The following ULK2 variants were observed in gnomAD, a reference collection of about 807,000 sequenced individuals.
The protein encoded by ULK2 is serine/threonine-protein kinase ULK2.
ULK2 carries 76 observed loss-of-function variants against 127.5 expected under a neutral mutation model. The ratio of observed to expected loss-of-function variants is 0.60; its 90% CI spans 0.50 to 0.72. The LOEUF (loss-of-function observed/expected upper bound fraction) is 0.72. Ranked by LOEUF, ULK2 falls within the 30% of genes least tolerant of loss-of-function variation. The probability of loss-of-function intolerance (pLI) is 0.00; values close to 1 mark genes in which losing one functional copy is unlikely to be tolerated. For missense variants in ULK2, 1,144 were observed against 1,295.9 expected, an observed-to-expected ratio of 0.88 and a Z score of 1.80; for synonymous variants, 452 against 461.9, an observed-to-expected ratio of 0.98 and a Z score of 0.28.
At position 19,846,791 on chromosome 17, in the gene ULK2, G is replaced by A; in HGVS notation, c.415C>T (p.Leu139=). The change falls in exon 6 of 27, where the codon CTG becomes TTG. Residue 139 remains leucine (L), a synonymous_variant. Transcript: ENST00000395544. ...GATTTTCTGCGATTGGCATAGGACAGCAAGATGTTCTGTGGTTTGAGATCT... is the reference window on the plus strand; with the variant it reads ...GATTTTCTGCGATTGGCATAGGACAACAAGATGTTCTGTGGTTTGAGATCT... ...HRDLKPQNIL[L]SYANRRKSSV... 6.2e-7 allele frequency: 1 copy of A among 1,613,788 alleles called. No individual in the cohort carries two copies. Among genetic ancestry groups the A allele is most frequent in the Non-Finnish European group, 8.5e-7 (1 of 1,179,866 alleles).
chr17:19,842,514 T>C (rs996644890), intron 8 of ULK2, among the ~76,000 whole-genome samples: 3 of 152,118 alleles, frequency 2.0e-5, no homozygotes, highest in African/African-American at 7.2e-5. Flanking sequence ...ATTTTCTTAA[T>C]ACTATCTCGG....
chr17:19,835,741 A>C (rs1222201876), intron 10 of ULK2, among the ~76,000 whole-genome samples: 1 of 150,928 alleles, frequency 6.6e-6, no homozygotes, highest in Admixed American at 6.6e-5. Context: ...GCATACCGTA[A>C]TCCCTAGAGC....
In ULK2 at chr17:19,841,552, T is replaced by TAA; in HGVS notation, c.646-7_646-6dup. ...TAAGTCTTGAGGACTATTGGCCTAT[T>TAA]AAAAAAAAAAAGGTTTAATTTCCTA... On this transcript the variant is annotated splice_polypyrimidine_tract_variant and splice_region_variant and intron_variant, in intron 8 of 26. Transcript: ENST00000395544. 2.9e-5 allele frequency: 35 copies of TAA among 1,224,268 alleles called. No individual in the cohort carries two copies. The highest frequency in any genetic ancestry group is 6.0e-5 in the East Asian group (2 of 33,564). 75.8% of individuals were successfully genotyped at this position (1,224,268 alleles called of 1,614,324 possible). A position where few individuals can be genotyped will look rare whatever the true frequency, so the allele number is the denominator to read the frequency against.
intron 16 of ULK2, among the ~76,000 whole-genome samples, 170 bp from the exon 17 acceptor site, chr17:19,799,745 G>C (rs1015579229): frequency 6.6e-6 from 1 of 152,178 alleles, no homozygotes; most frequent in Non-Finnish European, 1.5e-5. Flanking sequence ...CCAATCCGCT[G>C]GGTGCTGCAC....
chr17:19,833,942 T>G (rs1229854872), intron 10 of ULK2, among the ~76,000 whole-genome samples: 1 of 152,158 alleles, frequency 6.6e-6, no homozygotes, highest in Non-Finnish European at 1.5e-5. Flanking sequence ...TGAAAAACAT[T>G]TATTTATATA....
chr17:19,794,822 C>A (rs2042950939), intron 20 of ULK2, among the ~76,000 whole-genome samples: 1 of 151,858 alleles, frequency 6.6e-6, no homozygotes, highest in Admixed American at 6.6e-5. Flanking sequence ...TTCCTAAAAA[C>A]CCCCAGAACA....
At chr17:19,776,710 T>TA (rs1026382383) in intron 26 of ULK2, among the ~76,000 whole-genome samples, 1 of 152,102 alleles carries the variant, frequency 6.6e-6, no homozygotes, top group South Asian at 2.1e-4. Flanking sequence ...CACCTCTGCC[T>TA]AAAAAACCAG....
chr17:19,849,731 ATAC>A lies in ULK2; in HGVS notation c.258+8_258+10del. 1.3e-6 allele frequency: 2 copies of A among 1,515,592 alleles called. No homozygotes were observed. The highest frequency in any genetic ancestry group is 1.8e-6 in the Non-Finnish European group (2 of 1,126,270). 93.9% of individuals were successfully genotyped at this position (1,515,592 alleles called of 1,614,324 possible). ...TGAAATAAATTAAACAGAAGTTTGT[ATAC>A]TACCTACCTCCATCACCAAAAAGAC... On this transcript the variant is annotated splice_region_variant and intron_variant, in intron 4 of 26. Transcript: ENST00000395544.
At chr17:19,809,884 C>G (rs1030111972) in intron 14 of ULK2, among the ~76,000 whole-genome samples, 1 of 151,430 alleles carries the variant, frequency 6.6e-6, no homozygotes, top group Non-Finnish European at 1.5e-5. Flanking sequence ...CAGCCTGGGC[C>G]ACAGAGCAAG....
chr17:19,824,379 G>A (rs944953842), intron 12 of ULK2, among the ~76,000 whole-genome samples: 26 of 150,428 alleles, frequency 1.7e-4, no homozygotes, highest in Non-Finnish European at 2.8e-4. Context: ...CCCAGGAGGC[G>A]GAGGTTGCAG....
At chr17:19,785,121 A>T (rs1376231733) in intron 21 of ULK2, among the ~76,000 whole-genome samples, 2 of 152,172 alleles carry the variant, frequency 1.3e-5, no homozygotes, top group African/African-American at 2.4e-5. Context: ...ACAGATTATA[A>T]ATGATAAATC....
chr17:19,822,898 G>A lies in ULK2; in HGVS notation c.924+2196C>T, dbSNP rs575272381. Among the ~76,000 whole-genome samples, 3 of 151,876 alleles carry A rather than the reference G, an allele frequency of 2.0e-5. No individual in the cohort carries two copies. In the East Asian group the frequency reaches 5.8e-4, roughly 29 times the overall value. ...AGATGGGGTTTCACCGTGTTAGCCA[G>A]GACGGTCTTGATATCCCGGTCTCAT... On this transcript the variant is annotated intron_variant, in intron 12 of 26. Coordinates refer to ENST00000395544, the MANE Select transcript of ULK2 (RefSeq NM_014683.4).
At chr17:19,781,195 T>G in intron 23 of ULK2, 91 bp from the exon 24 acceptor site, 2 of 962,184 alleles carry the variant, frequency 2.1e-6, no homozygotes, top group Non-Finnish European at 3.1e-6. Flanking sequence ...AAATTGCCTT[T>G]CTATAAAGGA....
In ULK2 at chr17:19,786,512, G is replaced by A. The variant is rs528525005; in HGVS notation, c.2102-426C>T. On this transcript the variant is annotated intron_variant, in intron 20 of 26. Coordinates refer to ENST00000395544, the MANE Select transcript of ULK2 (RefSeq NM_014683.4). ...GTGGATCACCTGAGGTCAGGAGTTC[G>A]AGACCAGCCTGGCCAACGTGGTGAA... Among the ~76,000 whole-genome samples, 8 of 152,144 alleles carry A rather than the reference G, an allele frequency of 5.3e-5. No homozygotes were observed. The East Asian group carries it at 9.7e-4, about 18-fold the overall frequency.
In ULK2 at chr17:19,773,177, T is replaced by G. The variant is rs533046014; in HGVS notation, c.*3172A>C. On this transcript the variant is annotated 3_prime_UTR_variant, in exon 27 of 27. Coordinates refer to ENST00000395544, the MANE Select transcript of ULK2 (RefSeq NM_014683.4). ...CTGTAATCCTAGCTACCTGGGAGGC[T>G]GAGGAAGAAGAATCACTTGAACCTG... The G allele has an allele frequency of 2.6e-5, 4 of 151,922 alleles. No homozygotes were observed. Among genetic ancestry groups the G allele is most frequent in the Non-Finnish European group, 5.9e-5 (4 of 68,016 alleles). The allele number at this position is 151,922 out of a possible 1,614,324, so 9.4% of individuals were successfully genotyped here. A position where few individuals can be genotyped will look rare whatever the true frequency, so the allele number is the denominator to read the frequency against.
chr17:19,825,187 G>C lies in ULK2; in HGVS notation c.836-5C>G. The C allele has an allele frequency of 6.2e-7, 1 of 1,613,740 alleles. No homozygotes were observed. On this transcript the variant is annotated splice_region_variant and splice_polypyrimidine_tract_variant and intron_variant, in intron 11 of 26. Coordinates refer to ENST00000395544, the MANE Select transcript of ULK2 (RefSeq NM_014683.4). ...TGGGCACTGGAACTGGGCAAGCTAG[G>C]GGAAGAAACACAAATGAACTACATC...
chr17:19,804,948 A>G (rs2087483383), intron 14 of ULK2, 118 bp from the exon 15 acceptor site: 3 of 1,116,154 alleles, frequency 2.7e-6, no homozygotes, highest in Non-Finnish European at 2.4e-6. Flanking sequence ...TCACTCCACT[A>G]CCTTAATAAG....
intron 21 of ULK2, among the ~76,000 whole-genome samples, chr17:19,785,712 AAT>A (rs1359742649): frequency 6.6e-6 from 1 of 151,908 alleles, no homozygotes; most frequent in Non-Finnish European, 1.5e-5. Flanking sequence ...TTTATATTTT[AAT>A]ATATAATATA....
Position 19,867,468 on chromosome 17 carries a change from C to A in ULK2, c.-51G>T. On this transcript the variant is annotated 5_prime_UTR_variant, in exon 1 of 27. Transcript: ENST00000395544. ...GACGGGCGGGCGGCGCAGTGCGGCGCAGGTATCAGCACCGCGGCTCCGCGG... is the reference window on the plus strand; with the variant it reads ...GACGGGCGGGCGGCGCAGTGCGGCGAAGGTATCAGCACCGCGGCTCCGCGG... The A allele has an allele frequency of 1.3e-6, 2 of 1,495,642 alleles. No individual in the cohort carries two copies. The highest frequency in any genetic ancestry group is 1.8e-6 in the Non-Finnish European group (2 of 1,108,668). The allele number at this position is 1,495,642 out of a possible 1,614,324, so 92.6% of individuals were successfully genotyped here.
Sources: gnomAD v4.1 joint callset for allele counts (sites outside exome capture counted in the v4.1 genomes callset) on GRCh38, gnomAD v4.1.1 for gene constraint, MANE v1.5 for transcripts, NCBI Gene and HGNC (gene_info 2026-07-23, HGNC 2026-07-21) for gene names.